The following USP37 variants were observed in gnomAD, a reference collection of about 807,000 sequenced individuals.
USP37 encodes ubiquitin carboxyl-terminal hydrolase 37.
Under a neutral mutation model 124.0 loss-of-function variants are expected in USP37, and 27 were observed. That is an observed-to-expected ratio of 0.22 (90% CI 0.16 to 0.30). The LOEUF (loss-of-function observed/expected upper bound fraction) is 0.30. Among genes scored for constraint, USP37 ranks in the 10% least tolerant of loss-of-function variants. USP37 has a pLI of 1.00. For missense variants in USP37, 889 were observed against 1,140.4 expected (o/e 0.78, Z 3.17); for synonymous variants, 365 against 388.0 (o/e 0.94, Z 0.70).
Position 218,485,763 on chromosome 2 carries a change from T to TA in USP37, c.1591-21dup. The TA allele has an allele frequency of 6.3e-7, 1 of 1,598,304 alleles. No homozygotes were observed. Among genetic ancestry groups the TA allele is most frequent in the South Asian group, 1.1e-5 (1 of 87,450 alleles). On this transcript the variant is annotated intron_variant, in intron 15 of 25. Transcript: ENST00000258399. ...TTCGGCCTATAAAAAGAAGGAAAAA[T>TA]AAAGCATGAAGGTGAATCAGCATTA...
chr2:218,458,019 G>A (rs1324308494), intron 23 of USP37, among the ~76,000 whole-genome samples: 10 of 135,154 alleles, frequency 7.4e-5, no homozygotes, highest in African/African-American at 2.5e-4. Context: ...CAGCCTGGGC[G>A]ACAGAGCAAG....
intron 6 of USP37, among the ~76,000 whole-genome samples, chr2:218,547,985 C>A (rs552115179): frequency 2.6e-5 from 4 of 152,222 alleles, no homozygotes; most frequent in African/African-American, 4.8e-5. Flanking sequence ...GAAGTTATGT[C>A]CTATTACTTT....
Position 218,497,826 on chromosome 2 carries a change from T to C in USP37, c.1189A>G (p.Ile397Val), listed in dbSNP as rs1689159469. The C allele has an allele frequency of 1.2e-6, 2 of 1,613,952 alleles. No individual in the cohort carries two copies. Among genetic ancestry groups the C allele is most frequent in the African/African-American group, 1.3e-5 (1 of 74,936 alleles). ...TCCTTTTTGGTCTCTGAATTACAGA[T>C]ATCTTTTTTAACAAGCAAGTGTGCA... ...RFAHLLVKKD[I>V]CNSETKKDLL... The change falls in exon 13 of 26, where the codon ATC becomes GTC. Residue 397 changes from isoleucine to valine, a missense_variant. Physicochemically the swap from Ile to Val is conservative, Grantham distance 29. Transcript: ENST00000258399.
intron 21 of USP37, among the ~76,000 whole-genome samples, chr2:218,463,958 C>G (rs548521): frequency 6.7e-6 from 1 of 149,104 alleles, no homozygotes; most frequent in African/African-American, 2.5e-5. Context: ...CAGGTTCAAG[C>G]GATTCTCCTG....
chr2:218,506,254 C>T (rs1161417432), intron 11 of USP37, among the ~76,000 whole-genome samples: 4 of 146,880 alleles, frequency 2.7e-5, no homozygotes, highest in African/African-American at 7.5e-5. Context: ...GTATTCTTTG[C>T]CTTTTTTCTA....
chr2:218,456,796 C>T (rs1689722265), intron 24 of USP37, among the ~76,000 whole-genome samples: 1 of 151,794 alleles, frequency 6.6e-6, no homozygotes, highest in Non-Finnish European at 1.5e-5. Flanking sequence ...ATGGTGAAAC[C>T]CCATCTCTAC....
At chr2:218,456,707 C>T (rs754701098) in intron 24 of USP37, among the ~76,000 whole-genome samples, 1 of 152,076 alleles carries the variant, frequency 6.6e-6, no homozygotes, top group Non-Finnish European at 1.5e-5. Context: ...TGGTCGCTCA[C>T]GTCTGTAATC....
rs1331311868 is a variant in USP37 at position 218,450,332 on chromosome 2, C to A, written c.*4598G>T. The A allele has an allele frequency of 6.6e-6, 1 of 152,454 alleles. No individual in the cohort carries two copies. Among genetic ancestry groups the A allele is most frequent in the Non-Finnish European group, 1.5e-5 (1 of 68,012 alleles). The allele number at this position is 152,454 out of a possible 1,614,324, so 9.4% of individuals were successfully genotyped here. A position where few individuals can be genotyped will look rare whatever the true frequency, so the allele number is the denominator to read the frequency against. ...AAAAGGAAACAAAAACAAAGAAAAA[C>A]CGTAAAGGATACAGAGGAACAGTTC... is the stretch of plus-strand genomic sequence containing the variant. On this transcript the variant is annotated 3_prime_UTR_variant, in exon 26 of 26. Coordinates refer to ENST00000258399, the MANE Select transcript of USP37 (RefSeq NM_020935.3).
chr2:218,457,021 A>C, intron 24 of USP37, 71 bp downstream of exon 24: 1 of 1,436,914 alleles, frequency 7.0e-7, no homozygotes, highest in Non-Finnish European at 9.6e-7. Flanking sequence ...AGCTAGGCAA[A>C]GAGCAATATA....
At chr2:218,520,668 C>CA (rs1356204690) in intron 10 of USP37, among the ~76,000 whole-genome samples, 1 of 152,026 alleles carries the variant, frequency 6.6e-6, no homozygotes, top group African/African-American at 2.4e-5. Context: ...AACAGTTTTA[C>CA]AAAAAAGTGT....
chr2:218,491,575 T>C (rs923614987), intron 14 of USP37, among the ~76,000 whole-genome samples: 9 of 152,174 alleles, frequency 5.9e-5, no homozygotes, highest in African/African-American at 1.9e-4. Context: ...TAAGCTAATA[T>C]GTTTGAAGCA....
intron 9 of USP37, among the ~76,000 whole-genome samples, chr2:218,531,641 C>T (rs541632094): frequency 7.2e-5 from 11 of 152,198 alleles, no homozygotes; most frequent in African/African-American, 1.4e-4. Context: ...TGGAGCTAGG[C>T]AAAGTGAACT....
At chr2:218,480,355 C>T (rs1185407170) in intron 17 of USP37, among the ~76,000 whole-genome samples, 5 of 142,444 alleles carry the variant, frequency 3.5e-5, no homozygotes, top group African/African-American at 8.1e-5. Context: ...AGCGGAGATG[C>T]GCCACTGCAC....
At position 218,557,951 on chromosome 2, in the gene USP37, G is replaced by A. The variant is rs1361649700; in HGVS notation, c.156+547C>T. Among the ~76,000 whole-genome samples, 237 of 39,572 alleles carry A rather than the reference G, an allele frequency of 6.0e-3. 3 individuals are homozygous for A. The highest frequency in any genetic ancestry group is 0.013 in the African/African-American group (197 of 15,470). The allele number at this position is 39,572 out of a possible 152,430, so 26.0% of individuals were successfully genotyped here. A position where few individuals can be genotyped will look rare whatever the true frequency, so the allele number is the denominator to read the frequency against. ...GTCTCAAAAAAAAAAAAAAAAAAAA[G>A]GTGAAAAGAAAATTAATTTTTGCAG... On this transcript the variant is annotated intron_variant, in intron 4 of 25. Coordinates refer to ENST00000258399, the MANE Select transcript of USP37 (RefSeq NM_020935.3).
At chr2:218,547,209 TG>T (rs1692381685) in intron 6 of USP37, 118 bp from the exon 7 acceptor site, 20 of 1,084,628 alleles carry the variant, frequency 1.8e-5, no homozygotes, top group Non-Finnish European at 2.5e-5. Context: ...CGATGGCTCA[TG>T]CCTGTAATCC....
chr2:218,501,407 G>C (rs1172276893), intron 11 of USP37, among the ~76,000 whole-genome samples: 1 of 152,096 alleles, frequency 6.6e-6, no homozygotes, highest in African/African-American at 2.4e-5. Context: ...CATGGGTGAT[G>C]TCAATTTTGA....
At chr2:218,552,679 G>C (rs1692730406) in intron 5 of USP37, among the ~76,000 whole-genome samples, 1 of 152,132 alleles carries the variant, frequency 6.6e-6, no homozygotes, top group African/African-American at 2.4e-5. Flanking sequence ...TTAAATGAAA[G>C]GGGTTAGAGG....
Position 218,549,891 on chromosome 2 carries a change from C to G in USP37, c.347G>C (p.Gly116Ala). Reference sequence around the variant, plus strand: ...CAGAATGGCTCCAAAACTACCAGACCCCTGAGACGGTTTCATGGCTGGTGA... The same window carrying G: ...CAGAATGGCTCCAAAACTACCAGACGCCTGAGACGGTTTCATGGCTGGTGA... ...RLPAAMKPSQ[G>A]SGSFGAILGS... is the part of the protein sequence containing the mutation. The change falls in exon 6 of 26, where the codon GGG (glycine) becomes GCG (alanine). Residue 116 changes from glycine (G) to alanine (A), a missense_variant. Physicochemically the swap from Gly to Ala is moderately conservative, Grantham distance 60. Transcript: ENST00000258399. 6.2e-7 allele frequency: 1 copy of G among 1,605,726 alleles called. No individual in the cohort carries two copies. The highest frequency in any genetic ancestry group is 1.1e-5 in the South Asian group (1 of 89,876).
At chr2:218,563,040 G>A (rs1283194218) in intron 1 of USP37, among the ~76,000 whole-genome samples, 2 of 151,846 alleles carry the variant, frequency 1.3e-5, no homozygotes, top group Non-Finnish European at 2.9e-5. Flanking sequence ...GTGCATGTCT[G>A]TAATCCCAGC....
Sources: allele counts gnomAD v4.1 joint callset (sites outside exome capture counted in the v4.1 genomes callset), GRCh38; gene constraint gnomAD v4.1.1; transcripts MANE v1.5; gene names NCBI Gene and HGNC (gene_info 2026-07-23, HGNC 2026-07-21).